EXTL3: variants seen among roughly 807,000 people sequenced by gnomAD.
The protein encoded by EXTL3 is exostosin-like 3.
Under a neutral mutation model 69.3 loss-of-function variants are expected in EXTL3, and 27 were observed. The ratio of observed to expected loss-of-function variants is 0.39; its 90% CI spans 0.29 to 0.54. The LOEUF is 0.54. Ranked by LOEUF, EXTL3 falls within the 20% of genes least tolerant of loss-of-function variation. The pLI, the probability that EXTL3 is intolerant of heterozygous loss-of-function variation, is 0.69. For missense variants in EXTL3, 1,003 were observed against 1,231.8 expected, an observed-to-expected ratio of 0.81 and a Z score of 2.78; for synonymous variants, 511 against 499.4, an observed-to-expected ratio of 1.02 and a Z score of -0.31.
upstream of EXTL3, among the ~76,000 whole-genome samples, chr8:28,618,515 G>T (rs1806357359): frequency 6.6e-6 from 1 of 152,128 alleles, no homozygotes; most frequent in African/African-American, 2.4e-5. Context: ...AATGAAGCTG[G>T]GGAGCTGAGT....
chr8:28,705,897 C>A (rs1332539906), intron 1 of EXTL3, among the ~76,000 whole-genome samples: 1 of 152,196 alleles, frequency 6.6e-6, no homozygotes, highest in African/African-American at 2.4e-5. Flanking sequence ...ATGCAGAAAT[C>A]ACCTATAATT....
chr8:28,665,063 C>CT (rs1222832851), intron 1 of EXTL3, among the ~76,000 whole-genome samples: 4,503 of 62,354 alleles, frequency 0.072, 923 homozygotes, highest in Non-Finnish European at 0.11. Flanking sequence ...TTTTCCTTTA[C>CT]TTTTTTTTTT....
chr8:28,666,548 T>A (rs1303127801), intron 1 of EXTL3, among the ~76,000 whole-genome samples: 1 of 152,134 alleles, frequency 6.6e-6, no homozygotes, highest in East Asian at 1.9e-4. Flanking sequence ...ACTATAGGCG[T>A]GCTTACGCCC....
intron 1 of EXTL3, among the ~76,000 whole-genome samples, chr8:28,670,775 C>T (rs1807273529): frequency 6.6e-6 from 1 of 152,166 alleles, no homozygotes; most frequent in South Asian, 2.1e-4. Context: ...TCCCCAGACA[C>T]CTGAATAACG....
chr8:28,619,961 C>T (rs1806388977), upstream of EXTL3, among the ~76,000 whole-genome samples: 1 of 143,474 alleles, frequency 7.0e-6, no homozygotes. Context: ...AGCTCCACCT[C>T]CCGGGTTCAC....
chr8:28,608,416 T>C (rs541552595), intron 2 of EXTL3, among the ~76,000 whole-genome samples: 1 of 152,190 alleles, frequency 6.6e-6, no homozygotes, highest in East Asian at 1.9e-4. Context: ...TTTTTGTGGG[T>C]TGGAATTCAG....
At chr8:28,614,393 C>G (rs1806306997) in intron 2 of EXTL3, among the ~76,000 whole-genome samples, 1 of 151,126 alleles carries the variant, frequency 6.6e-6, no homozygotes, top group Non-Finnish European at 1.5e-5. Flanking sequence ...CTTTCTTCAG[C>G]CTCCTGAGTA....
At chr8:28,641,647 A>T (rs1434682709) in intron 1 of EXTL3, among the ~76,000 whole-genome samples, 1 of 149,366 alleles carries the variant, frequency 6.7e-6, no homozygotes, top group Non-Finnish European at 1.5e-5. Context: ...TAATTTTTGT[A>T]TTTTTAGTAG....
intron 1 of EXTL3, among the ~76,000 whole-genome samples, chr8:28,638,312 A>G (rs1292224126): frequency 2.0e-5 from 3 of 152,084 alleles, no homozygotes; most frequent in Non-Finnish European, 4.4e-5. Flanking sequence ...AACTCCATAA[A>G]CTCAACCAAC....
At chr8:28,630,989 GAAAT>G (rs1244529979) in intron 1 of EXTL3, among the ~76,000 whole-genome samples, 3 of 152,198 alleles carry the variant, frequency 2.0e-5, no homozygotes, top group Non-Finnish European at 4.4e-5. Flanking sequence ...CAGTGAAGCA[GAAAT>G]AAATCCCGTG....
At chr8:28,653,296 C>T (rs564836233) in intron 1 of EXTL3, among the ~76,000 whole-genome samples, 12 of 152,262 alleles carry the variant, frequency 7.9e-5, no homozygotes, top group African/African-American at 2.4e-4. Context: ...ATGATTTATA[C>T]ATATTTTCTC....
chr8:28,717,334 G>A lies in EXTL3; in HGVS notation c.1275G>A (p.Leu425=). 2 of 1,614,168 alleles carry A rather than the reference G, an allele frequency of 1.2e-6. No homozygotes were observed. Among genetic ancestry groups the A allele is most frequent in the Non-Finnish European group, 1.7e-6 (2 of 1,180,034 alleles). The part of the protein sequence containing the change: ...CGEREDRLEL[L]KLSTFALIIT... Reference sequence around the variant, plus strand: ...AGCGGGAGGACCGCTTGGAATTGCTGAAGCTCTCCACCTTCGCCCTCATCA... The same window carrying A: ...AGCGGGAGGACCGCTTGGAATTGCTAAAGCTCTCCACCTTCGCCCTCATCA... The change falls in exon 3 of 7, where the codon CTG becomes CTA. Residue 425 remains leucine, a synonymous_variant. Coordinates refer to ENST00000220562, the MANE Select transcript of EXTL3 (RefSeq NM_001440.4). The surrounding 1 kb of genome is among the most constrained non-coding windows in gnomAD (Gnocchi z 8.3).
Position 28,750,646 on chromosome 8 carries a change from C to T in EXTL3, c.2551-11C>T, listed in dbSNP as rs1801983302. 1.9e-6 allele frequency: 3 copies of T among 1,611,940 alleles called. No individual in the cohort carries two copies. Among genetic ancestry groups the T allele is most frequent in the Admixed American group, 1.7e-5 (1 of 60,006 alleles). On this transcript the variant is annotated splice_polypyrimidine_tract_variant and intron_variant, in intron 6 of 6. Transcript: ENST00000220562. The surrounding 1 kb of genome is among the most constrained non-coding windows in gnomAD (Gnocchi z 5.2). ...TGGGATTCCCACTCTGTCTCTCTCT[C>T]CCGTTTCCAGGTGACCTCACGGTGG...
intron 3 of EXTL3, among the ~76,000 whole-genome samples, chr8:28,721,357 T>A (rs1338436904): frequency 6.6e-6 from 1 of 152,204 alleles, no homozygotes; most frequent in Non-Finnish European, 1.5e-5. Context: ...TCTCTGGCTT[T>A]CTCCTGTCTG....
At chr8:28,642,827 A>G (rs1806765365) in intron 1 of EXTL3, among the ~76,000 whole-genome samples, 1 of 151,966 alleles carries the variant, frequency 6.6e-6, no homozygotes, top group African/African-American at 2.4e-5. Flanking sequence ...TTTTTGGGAT[A>G]TATAGTTATA....
At chr8:28,624,064 A>G (rs1041106574) in intron 1 of EXTL3, among the ~76,000 whole-genome samples, 1 of 152,178 alleles carries the variant, frequency 6.6e-6, no homozygotes, top group African/African-American at 2.4e-5. Context: ...ATTCTTTCCA[A>G]TTGTTCTCAC....
Position 28,717,093 on chromosome 8 carries a change from T to C in EXTL3, c.1034T>C (p.Phe345Ser), listed in dbSNP as rs774887216. 1 of 1,614,226 alleles carries C rather than the reference T, an allele frequency of 6.2e-7. No individual in the cohort carries two copies. The highest frequency in any genetic ancestry group is 8.5e-7 in the Non-Finnish European group (1 of 1,180,032). The change falls in exon 3 of 7, where the codon TTC (phenylalanine) becomes TCC (serine). Residue 345 changes from phenylalanine (F) to serine (S), a missense_variant. By Grantham distance (155) the Phe-to-Ser change is radical. This residue lies in a region of EXTL3 where 742 missense variants were observed against 815.4 expected (regional missense o/e 0.91). Coordinates refer to ENST00000220562, the MANE Select transcript of EXTL3 (RefSeq NM_001440.4). This position sits in a 1 kb window ranked among gnomAD's most constrained non-coding sequence, Gnocchi z 8.3. Reference protein sequence around the residue: ...VPVKRKYLFTFQGEKIESLRS... With the variant: ...VPVKRKYLFTSQGEKIESLRS... ...GTGAAGCGGAAATATCTCTTCACCT[T>C]CCAGGGCGAGAAGATTGAGTCTCTG...
intron 1 of EXTL3, among the ~76,000 whole-genome samples, chr8:28,691,553 ATATT>A (rs1286255315): frequency 3.0e-5 from 4 of 133,854 alleles, no homozygotes; most frequent in South Asian, 2.3e-4. Context: ...GAGTTGGTAA[ATATT>A]TATCAGTTTT....
intron 2 of EXTL3, among the ~76,000 whole-genome samples, chr8:28,714,599 G>C (rs908861250): frequency 1.4e-4 from 21 of 152,142 alleles, no homozygotes; most frequent in African/African-American, 1.7e-4. Flanking sequence ...TAAGAGTATG[G>C]TGAATATTTT....
Sources: gnomAD v4.1 joint callset for allele counts (sites outside exome capture counted in the v4.1 genomes callset) on GRCh38, gnomAD v4.1.1 for gene constraint, gnomAD v4.1.1 regional missense constraint, Gnocchi (gnomAD v3.1) non-coding constraint, MANE v1.5 for transcripts, NCBI Gene and HGNC (gene_info 2026-07-23, HGNC 2026-07-21) for gene names.